The following HS3ST2 variants were observed in gnomAD, a reference collection of about 807,000 sequenced individuals.
The protein encoded by HS3ST2 is heparan sulfate glucosamine 3-O-sulfotransferase 2.
A neutral mutation model predicts 26.3 loss-of-function variants in HS3ST2; 17 were observed. The observed-to-expected ratio is 0.65, with a 90% CI of 0.44 to 0.97. HS3ST2 has a LOEUF of 0.97. Among genes scored for constraint, HS3ST2 ranks in the 50% least tolerant of loss-of-function variants. The probability of loss-of-function intolerance (pLI) is 0.00; values close to 1 mark genes in which losing one functional copy is unlikely to be tolerated. For missense variants in HS3ST2, 402 were observed against 501.2 expected (o/e 0.80, Z 1.89); for synonymous variants, 237 against 219.2 (o/e 1.08, Z -0.72).
chr16:22,881,283 C>T (rs1901987047), intron 1 of HS3ST2, among the ~76,000 whole-genome samples: 1 of 152,184 alleles, frequency 6.6e-6, no homozygotes, highest in Admixed American at 6.5e-5. Context: ...ATGCTGTTTC[C>T]CTTCCTCCTC....
At chr16:22,829,487 T>A (rs208957) in intron 1 of HS3ST2, among the ~76,000 whole-genome samples, 27,970 of 152,092 alleles carry the variant, frequency 0.18, 2,779 homozygotes, top group South Asian at 0.27. Context: ...AGCTTTTTTT[T>A]AAAAAGAAAA....
chr16:22,815,955 G>T (rs535525029), intron 1 of HS3ST2, among the ~76,000 whole-genome samples: 3 of 152,324 alleles, frequency 2.0e-5, no homozygotes, highest in African/African-American at 7.2e-5. Flanking sequence ...GGCTAGCAAG[G>T]GTGCTAGGGG....
chr16:22,902,649 T>A (rs1902295247), intron 1 of HS3ST2, among the ~76,000 whole-genome samples: 1 of 152,260 alleles, frequency 6.6e-6, no homozygotes, highest in African/African-American at 2.4e-5. Context: ...TGCATCAATG[T>A]ATATGTCTAC....
intron 1 of HS3ST2, among the ~76,000 whole-genome samples, chr16:22,844,487 G>A (rs984138200): frequency 5.3e-5 from 8 of 152,096 alleles, no homozygotes; most frequent in African/African-American, 1.9e-4. Flanking sequence ...ACTGAGGGTG[G>A]CACCTTCAGT....
At chr16:22,857,040 C>G (rs982121987) in intron 1 of HS3ST2, among the ~76,000 whole-genome samples, 3 of 152,100 alleles carry the variant, frequency 2.0e-5, no homozygotes, top group Non-Finnish European at 2.9e-5. Context: ...ATGCACCATG[C>G]CATTTCATCT....
chr16:22,815,287 T>C (rs1425690283), intron 1 of HS3ST2, among the ~76,000 whole-genome samples, 192 bp downstream of exon 1: 1 of 152,272 alleles, frequency 6.6e-6, no homozygotes. Context: ...GGGCAGTTTC[T>C]GGAACTGCAA....
chr16:22,878,948 G>A (rs1450669040), intron 1 of HS3ST2, among the ~76,000 whole-genome samples: 1 of 152,236 alleles, frequency 6.6e-6, no homozygotes, highest in African/African-American at 2.4e-5. Context: ...TGAAGTCAGA[G>A]AAGTTAGGGG....
chr16:22,814,523 G>A lies in HS3ST2; in HGVS notation c.-88G>A. On this transcript the variant is annotated 5_prime_UTR_variant, in exon 1 of 2. Coordinates refer to ENST00000261374, the MANE Select transcript of HS3ST2 (RefSeq NM_006043.2). ...CCGCGTGGCCGTGGCAGCGCCACGC[G>A]AGCCCTCTAGGCGACCGCAGGGCCA... 2 of 1,376,074 alleles carry A rather than the reference G, an allele frequency of 1.5e-6. No individual in the cohort carries two copies. Among genetic ancestry groups the A allele is most frequent in the East Asian group, 5.8e-5 (2 of 34,730 alleles). 85.2% of individuals were successfully genotyped at this position (1,376,074 alleles called of 1,614,324 possible). A position where few individuals can be genotyped will look rare whatever the true frequency, so the allele number is the denominator to read the frequency against.
chr16:22,879,963 G>T (rs1901965696), intron 1 of HS3ST2, among the ~76,000 whole-genome samples: 1 of 152,188 alleles, frequency 6.6e-6, no homozygotes, highest in Non-Finnish European at 1.5e-5. Flanking sequence ...TGGTGAGAAA[G>T]AACAAGAAGC....
In HS3ST2 at chr16:22,881,496, G is replaced by T. The variant is rs1901990322; in HGVS notation, c.486-33448G>T. Among the ~76,000 whole-genome samples, 3 of 152,238 alleles carry T rather than the reference G, an allele frequency of 2.0e-5. No homozygotes were observed. In the South Asian group the frequency reaches 6.2e-4, roughly 32 times the overall value. ...CAGAGGGCTCCATGCTCTAAAGAGG[G>T]TCCCAAAATCCACATTAAGCCATAT... On this transcript the variant is annotated intron_variant, in intron 1 of 1. Transcript: ENST00000261374.
chr16:22,814,870 G>A lies in HS3ST2; in HGVS notation c.260G>A (p.Ser87Asn). The change falls in exon 1 of 2, where the codon AGC (serine) becomes AAC (asparagine). Residue 87 changes from serine to asparagine, a missense_variant. By Grantham distance (46) the Ser-to-Asn change is conservative. Transcript: ENST00000261374. ...ACGCCCAGCGAGCCCAGCGCTCCCAGCGCGCCCGCCGCCGCCGTGCCCGCC... is the reference window on the plus strand; with the variant it reads ...ACGCCCAGCGAGCCCAGCGCTCCCAACGCGCCCGCCGCCGCCGTGCCCGCC... ...GPTPSEPSAPSAPAAAVPAPR... is the reference protein window; with the variant it reads ...GPTPSEPSAPNAPAAAVPAPR... 6.4e-7 allele frequency: 1 copy of A among 1,558,748 alleles called. No homozygotes were observed. Among genetic ancestry groups the A allele is most frequent in the South Asian group, 1.2e-5 (1 of 85,186 alleles).
chr16:22,915,127 C>T lies in HS3ST2; in HGVS notation c.669C>T (p.Pro223=), dbSNP rs532545545. The T allele has an allele frequency of 3.3e-5, 54 of 1,614,104 alleles. No homozygotes were observed. In the African/African-American group the frequency reaches 4.8e-4, roughly 14 times the overall value. ...SDYTQTLSKK[P]DIPTFEGLSF... is the part of the protein sequence containing the mutation. ...ACACGCAGACACTCTCCAAGAAGCC[C>T]GACATCCCGACCTTTGAGGGCCTCT... The change falls in exon 2 of 2, where the codon CCC becomes CCT. Residue 223 remains proline (P), a synonymous_variant. Transcript: ENST00000261374.
At chr16:22,855,028 T>C (rs1377913025) in intron 1 of HS3ST2, among the ~76,000 whole-genome samples, 2 of 152,222 alleles carry the variant, frequency 1.3e-5, no homozygotes, top group African/African-American at 4.8e-5. Flanking sequence ...TCTATGTTTT[T>C]GTGTCATGGA....
At chr16:22,848,867 T>C (rs1901482435) in intron 1 of HS3ST2, among the ~76,000 whole-genome samples, 1 of 152,254 alleles carries the variant, frequency 6.6e-6, no homozygotes, top group African/African-American at 2.4e-5. Context: ...GGTGATTTTC[T>C]GAGGCCCTTA....
chr16:22,884,677 T>TTATATA (rs71901649), intron 1 of HS3ST2, among the ~76,000 whole-genome samples: 3 of 138,314 alleles, frequency 2.2e-5, no homozygotes, highest in African/African-American at 7.8e-5. Flanking sequence ...TATATATATA[T>TTATATA]TATATATATA....
At chr16:22,844,845 C>T (rs1215454906) in intron 1 of HS3ST2, among the ~76,000 whole-genome samples, 2 of 151,846 alleles carry the variant, frequency 1.3e-5, no homozygotes, top group Non-Finnish European at 2.9e-5. Context: ...AGTTAAACCT[C>T]TTTTCTTTTC....
chr16:22,874,709 A>T lies in HS3ST2; in HGVS notation c.486-40235A>T, dbSNP rs544179213. ...AGTCAAGACAGTACTGGGACCTGGC[A>T]TACCTCCAGGCCCCAGGAAGCCAAA... On this transcript the variant is annotated intron_variant, in intron 1 of 1. Coordinates refer to ENST00000261374, the MANE Select transcript of HS3ST2 (RefSeq NM_006043.2). 7.2e-5 allele frequency among the ~76,000 whole-genome samples: 11 copies of T among 152,362 alleles called. 1 individual carries two copies. The highest frequency in any genetic ancestry group is 7.2e-4 in the Admixed American group (11 of 15,310).
rs78359197 is a variant in HS3ST2, at chr16:22,906,826, G to T, written c.486-8118G>T. Among the ~76,000 whole-genome samples, 442 of 152,294 alleles carry T rather than the reference G, an allele frequency of 2.9e-3. 10 individuals are homozygous for T. In the East Asian group the frequency reaches 0.032, roughly 11 times the overall value. On this transcript the variant is annotated intron_variant, in intron 1 of 1. Transcript: ENST00000261374. ...GGACTCAAGGGCCGCTTCTCAATGG[G>T]CATCTACCTCTGACACTGGATCTTT...
chr16:22,901,524 G>T (rs759217487), intron 1 of HS3ST2, among the ~76,000 whole-genome samples: 1 of 152,158 alleles, frequency 6.6e-6, no homozygotes, highest in Non-Finnish European at 1.5e-5. Flanking sequence ...TCCACTTCCA[G>T]GGAGAAGGGA....
Sources: gnomAD v4.1 joint callset for allele counts (sites outside exome capture counted in the v4.1 genomes callset) on GRCh38, gnomAD v4.1.1 for gene constraint, MANE v1.5 for transcripts, NCBI Gene and HGNC (gene_info 2026-07-23, HGNC 2026-07-21) for gene names.